The following ZNF573 variants were observed in gnomAD, a reference collection of about 807,000 sequenced individuals.
The protein encoded by ZNF573 is zinc finger protein 573.
A neutral mutation model predicts 57.4 loss-of-function variants in ZNF573; 41 were observed. The ratio of observed to expected loss-of-function variants is 0.71; its 90% CI spans 0.56 to 0.93. The LOEUF is 0.93. Ranked by LOEUF, ZNF573 falls within the 40% of genes least tolerant of loss-of-function variation. The probability of loss-of-function intolerance (pLI) is 0.00; values close to 1 mark genes in which losing one functional copy is unlikely to be tolerated. For missense variants in ZNF573, 730 were observed against 794.8 expected (o/e 0.92, Z 0.98); for synonymous variants, 249 against 261.0 (o/e 0.95, Z 0.44).
intron 1 of ZNF573, among the ~76,000 whole-genome samples, chr19:37,774,014 G>A (rs1168251827): frequency 2.0e-5 from 3 of 152,064 alleles, no homozygotes; most frequent in Admixed American, 2.0e-4. Context: ...AATTTGGGAA[G>A]GCTGATCTAG....
chr19:37,741,041 C>T (rs116221219), intron 4 of ZNF573, among the ~76,000 whole-genome samples: 1,930 of 152,248 alleles, frequency 0.013, 35 homozygotes, highest in African/African-American at 0.043. Context: ...GAGTGCAGAA[C>T]CCATAGATAC....
At chr19:37,744,184 T>C (rs1431437031) in intron 4 of ZNF573, among the ~76,000 whole-genome samples, 1 of 152,056 alleles carries the variant, frequency 6.6e-6, no homozygotes, top group African/African-American at 2.4e-5. Context: ...AAAGGGTTTA[T>C]AACTCTCATC....
chr19:37,743,955 A>G (rs1269734068), intron 4 of ZNF573, among the ~76,000 whole-genome samples: 1 of 152,196 alleles, frequency 6.6e-6, no homozygotes, highest in Non-Finnish European at 1.5e-5. Flanking sequence ...TCATGGACAC[A>G]GAGAAGGGAA....
chr19:37,758,144 A>G (rs1187430941), intron 4 of ZNF573, among the ~76,000 whole-genome samples: 1 of 144,838 alleles, frequency 6.9e-6, no homozygotes, highest in East Asian at 2.1e-4. Context: ...GCACATGTAT[A>G]CATATGTAAC....
chr19:37,771,350 A>G (rs2045656994), intron 3 of ZNF573, among the ~76,000 whole-genome samples: 1 of 152,136 alleles, frequency 6.6e-6, no homozygotes, highest in African/African-American at 2.4e-5. Context: ...GGCAATCATA[A>G]GGGGCAGGAG....
intron 2 of ZNF573, 89 bp downstream of exon 2, chr19:37,773,572 C>G (rs956501491): frequency 8.4e-6 from 8 of 955,976 alleles, no homozygotes; most frequent in Non-Finnish European, 1.2e-5. Flanking sequence ...CTGAAGGAGG[C>G]CTTCTTAAAT....
intron 4 of ZNF573, among the ~76,000 whole-genome samples, chr19:37,757,353 C>A: frequency 6.6e-6 from 1 of 152,074 alleles, no homozygotes; most frequent in East Asian, 1.9e-4. Flanking sequence ...CCCGCCACCG[C>A]GCCCGGCTAA....
chr19:37,773,354 TAAGGACCTATA>T (rs1481718085), intron 2 of ZNF573, among the ~76,000 whole-genome samples: 1 of 152,194 alleles, frequency 6.6e-6, no homozygotes, highest in East Asian at 1.9e-4. Flanking sequence ...TTCACCAAAC[TAAGGACCTATA>T]AAGGAAGCTC....
intron 2 of ZNF573, chr19:37,772,937 C>G: frequency 1.0e-6 from 1 of 985,180 alleles, no homozygotes; most frequent in Non-Finnish European, 1.2e-6. Flanking sequence ...AGCTAGCCTA[C>G]CTTCATATAC....
rs777399173 is a variant in ZNF573, at chr19:37,739,075, C to T, written c.1415G>A (p.Cys472Tyr). The change falls in exon 5 of 5, where the codon TGT (cysteine) becomes TAT (tyrosine). Residue 472 changes from cysteine (C) to tyrosine (Y), a missense_variant. Physicochemically the swap from Cys to Tyr is radical, Grantham distance 194. Coordinates refer to ENST00000536220, the MANE Select transcript of ZNF573 (RefSeq NM_001172690.2). Reference sequence around the variant, plus strand: ...ACTATAGGCCTTCCCACATTCCTGACATTCAAAAAGTTTCTTACCAGTGTG... The same window carrying T: ...ACTATAGGCCTTCCCACATTCCTGATATTCAAAAAGTTTCTTACCAGTGTG... The part of the protein sequence containing the change: ...NIHTGKKLFE[C>Y]QECGKAYSTG... 3 of 1,612,700 alleles carry T rather than the reference C, an allele frequency of 1.9e-6. No individual in the cohort carries two copies. Among genetic ancestry groups the T allele is most frequent in the South Asian group, 2.2e-5 (2 of 90,714 alleles).
rs1009521959 is a variant in ZNF573, at chr19:37,775,891, A to G, written c.-22-2140T>C. 3.3e-5 allele frequency among the ~76,000 whole-genome samples: 5 copies of G among 151,728 alleles called. 1 individual carries two copies. Among genetic ancestry groups the G allele is most frequent in the Admixed American group, 2.6e-4 (4 of 15,218 alleles). ...AGAAAACAAAAACAAAACAAAACAA[A>G]ACAAAAACAAACAAACTTAGGAATA... On this transcript the variant is annotated intron_variant, in intron 1 of 4. Transcript: ENST00000536220.
At chr19:37,748,477 T>C (rs552765743) in intron 4 of ZNF573, among the ~76,000 whole-genome samples, 4 of 150,098 alleles carry the variant, frequency 2.7e-5, no homozygotes, top group Admixed American at 1.3e-4. Context: ...TACGCACTAC[T>C]TCTGCAATAT....
chr19:37,739,893 A>G lies in ZNF573; in HGVS notation c.597T>C (p.Phe199=), dbSNP rs774086919. ...GCACAGTCAGCTGATAACCACTTCT[A>G]AAGTTCTTCCCACATTCTGTACATT... ...PYECTECGKN[F]RSGYQLTVHQ... Residue 199 remains phenylalanine, a synonymous_variant, in exon 5 of 5, where the codon TTT becomes TTC. Coordinates refer to ENST00000536220, the MANE Select transcript of ZNF573 (RefSeq NM_001172690.2). 1.9e-5 allele frequency: 30 copies of G among 1,613,964 alleles called. No individual in the cohort carries two copies. The highest frequency in any genetic ancestry group is 2.5e-5 in the Non-Finnish European group (30 of 1,179,984).
chr19:37,758,199 T>TAAA lies in ZNF573; in HGVS notation c.295+11803_295+11805dup, dbSNP rs1224494420. Reference sequence around the variant, plus strand: ...ATGTACCCTAGAACTTAAAGTATAATAAAATATATATATATATATATATAT... The same window carrying TAAA: ...ATGTACCCTAGAACTTAAAGTATAATAAAAAAATATATATATATATATATATAT... On this transcript the variant is annotated intron_variant, in intron 4 of 4. Coordinates refer to ENST00000536220, the MANE Select transcript of ZNF573 (RefSeq NM_001172690.2). Among the ~76,000 whole-genome samples the TAAA allele has an allele frequency of 4.2e-3, 50 of 11,880 alleles. 9 individuals are homozygous for TAAA. The highest frequency in any genetic ancestry group is 0.011 in the Non-Finnish European group (41 of 3,706). 7.8% of individuals were successfully genotyped at this position (11,880 alleles called of 152,430 possible). A position where few individuals can be genotyped will look rare whatever the true frequency, so the allele number is the denominator to read the frequency against.
intron 1 of ZNF573, among the ~76,000 whole-genome samples, chr19:37,775,196 T>G (rs2045697112): frequency 6.6e-6 from 1 of 152,006 alleles, no homozygotes; most frequent in Non-Finnish European, 1.5e-5. Flanking sequence ...TAAAAAAATT[T>G]TTTTAGAGAC....
chr19:37,755,686 A>C (rs1352465388), intron 4 of ZNF573, among the ~76,000 whole-genome samples: 1 of 152,208 alleles, frequency 6.6e-6, no homozygotes, highest in African/African-American at 2.4e-5. Context: ...ATCAAAAAAG[A>C]ATGAAAATAA....
chr19:37,743,419 C>T (rs534238724), intron 4 of ZNF573, among the ~76,000 whole-genome samples: 1 of 151,630 alleles, frequency 6.6e-6, no homozygotes, highest in African/African-American at 2.4e-5. Context: ...CAGAGAAATG[C>T]AAATCAAAAC....
rs1324007022 is a variant in ZNF573 at position 37,739,398 on chromosome 19, C to G, written c.1092G>C (p.Lys364Asn). ...GATTTCTATACAAAGTAAAGGTTTTCTTACACTCCTTACATTCATAGGGTT... is the reference window on the plus strand; with the variant it reads ...GATTTCTATACAAAGTAAAGGTTTTGTTACACTCCTTACATTCATAGGGTT... ...GGKPYECKECKKTFTLYRNLT... is the reference protein window; with the variant it reads ...GGKPYECKECNKTFTLYRNLT... Residue 364 changes from lysine to asparagine, a missense_variant, in exon 5 of 5, where the codon AAG (lysine) becomes AAC (asparagine). By Grantham distance (94) the Lys-to-Asn change is moderately conservative. Transcript: ENST00000536220. The G allele has an allele frequency of 9.3e-6, 15 of 1,613,716 alleles. No homozygotes were observed. The highest frequency in any genetic ancestry group is 1.3e-5 in the Non-Finnish European group (15 of 1,179,978).
rs2045501020 is a variant in ZNF573, at chr19:37,757,522, C to T, written c.295+12483G>A. ...CACACTAAAATTATGATGTCATAGA[C>T]TCAGCCCCATCCCAATTAGTTCGCT... On this transcript the variant is annotated intron_variant, in intron 4 of 4. Coordinates refer to ENST00000536220, the MANE Select transcript of ZNF573 (RefSeq NM_001172690.2). Among the ~76,000 whole-genome samples, 3 of 152,204 alleles carry T rather than the reference C, an allele frequency of 2.0e-5. No homozygotes were observed. The South Asian group carries it at 6.2e-4, about 32-fold the overall frequency.
Sources: gnomAD v4.1 joint callset for allele counts (sites outside exome capture counted in the v4.1 genomes callset) on GRCh38, gnomAD v4.1.1 for gene constraint, MANE v1.5 for transcripts, NCBI Gene and HGNC (gene_info 2026-07-23, HGNC 2026-07-21) for gene names.